GRIA3: variants seen among roughly 807,000 people sequenced by gnomAD.
The protein encoded by GRIA3 is glutamate ionotropic receptor AMPA type subunit 3.
Under a neutral mutation model 63.0 loss-of-function variants are expected in GRIA3, and 3 were observed. That is an observed-to-expected ratio of 0.05 (90% confidence interval 0.02 to 0.12). GRIA3 has a LOEUF of 0.12. Ranked by LOEUF, GRIA3 falls within the 10% of genes least tolerant of loss-of-function variation. The pLI is 1.00. For missense variants in GRIA3, 347 were observed against 700.9 expected (o/e 0.50, Z 5.70); for synonymous variants, 274 against 257.9 (o/e 1.06, Z -0.60).
chrX:123,237,303 T>G (rs2044306865), intron 2 of GRIA3, among the ~76,000 whole-genome samples: 1 of 111,719 alleles, frequency 9.0e-6, no homozygotes, highest in Non-Finnish European at 1.9e-5. Flanking sequence ...TAGAGAGCCA[T>G]GGGGTAGAAA....
In GRIA3 at chrX:123,482,822, G is replaced by C. The variant is rs750006432; in HGVS notation, c.2463G>C (p.Leu821=). The change falls in exon 15 of 16, where the codon CTG becomes CTC. Residue 821 remains leucine (L), a synonymous_variant. Coordinates refer to ENST00000620443, the MANE Select transcript of GRIA3 (RefSeq NM_007325.5). ...AGGACAAGACCAGCGCTCTGAGCCT[G>C]AGCAATGTGGCAGGCGTTTTCTATA... ...GSKDKTSALS[L]SNVAGVFYIL... 1 of 1,210,212 alleles carries C rather than the reference G, an allele frequency of 8.3e-7. No homozygotes were observed. The highest frequency in any genetic ancestry group is 1.1e-6 in the Non-Finnish European group (1 of 893,924).
rs73549560 is a variant in GRIA3, at chrX:123,219,062, C to G, written c.268+33072C>G. Reference sequence around the variant, plus strand: ...GCTGCTTGACACACCTCCAGTCACACAGTGGAAATGGCTGCCTACTTTACC... The same window carrying G: ...GCTGCTTGACACACCTCCAGTCACAGAGTGGAAATGGCTGCCTACTTTACC... On this transcript the variant is annotated intron_variant, in intron 2 of 15. Coordinates refer to ENST00000620443, the MANE Select transcript of GRIA3 (RefSeq NM_007325.5). Among the ~76,000 whole-genome samples the G allele has an allele frequency of 5.4e-3, 605 of 111,982 alleles. 3 individuals carry two copies. The highest frequency in any genetic ancestry group is 0.019 in the African/African-American group (579 of 30,791).
intron 2 of GRIA3, among the ~76,000 whole-genome samples, chrX:123,200,161 A>T (rs1431832136): frequency 9.0e-6 from 1 of 111,163 alleles, no homozygotes; most frequent in Non-Finnish European, 1.9e-5. Context: ...TTGTCTAATA[A>T]GAGAATCGTC....
chrX:123,389,937 A>T (rs1409186041), intron 5 of GRIA3, among the ~76,000 whole-genome samples: 1 of 111,140 alleles, frequency 9.0e-6, no homozygotes, highest in Non-Finnish European at 1.9e-5. Context: ...CGATCTCCTG[A>T]CCTCGTGATC....
chrX:123,325,202 T>G (rs970808059), intron 3 of GRIA3, among the ~76,000 whole-genome samples: 5 of 111,953 alleles, frequency 4.5e-5, no homozygotes, highest in East Asian at 2.8e-4. Context: ...AAGACCAGCA[T>G]GTAGAAAACT....
intron 3 of GRIA3, among the ~76,000 whole-genome samples, chrX:123,294,043 A>T (rs1290434404): frequency 1.7e-5 from 1 of 59,018 alleles, no homozygotes; most frequent in Non-Finnish European, 3.2e-5. Context: ...TGCAACAAAG[A>T]GTCCTTGCTA....
At chrX:123,406,968 C>T (rs1049913348) in intron 10 of GRIA3, among the ~76,000 whole-genome samples, 1 of 111,961 alleles carries the variant, frequency 8.9e-6, no homozygotes, top group African/African-American at 3.2e-5. Context: ...GTCTTGCTTA[C>T]AGCTCACCCT....
At chrX:123,477,074 C>T (rs2045890430) in intron 13 of GRIA3, among the ~76,000 whole-genome samples, 2 of 111,633 alleles carry the variant, frequency 1.8e-5, no homozygotes, top group Non-Finnish European at 3.8e-5. Flanking sequence ...GCTAAGTCAC[C>T]GATGTACTGA....
chrX:123,414,938 G>A (rs1194748715), intron 10 of GRIA3, among the ~76,000 whole-genome samples: 1 of 111,874 alleles, frequency 8.9e-6, no homozygotes, highest in Admixed American at 9.5e-5. Flanking sequence ...TACATACCCA[G>A]TAATGGGATC....
intron 13 of GRIA3, among the ~76,000 whole-genome samples, chrX:123,478,402 T>C (rs1424285767): frequency 8.9e-6 from 1 of 112,142 alleles, no homozygotes; most frequent in Non-Finnish European, 1.9e-5. Flanking sequence ...GTTTAAAGTA[T>C]AAAAGGATCT....
chrX:123,418,180 T>C (rs2045546258), intron 11 of GRIA3, among the ~76,000 whole-genome samples: 1 of 111,778 alleles, frequency 8.9e-6, no homozygotes, highest in South Asian at 3.8e-4. Context: ...TAAAAGAACA[T>C]AGAACTCTTC....
intron 7 of GRIA3, among the ~76,000 whole-genome samples, chrX:123,401,963 G>A (rs2045445635): frequency 9.0e-6 from 1 of 111,610 alleles, no homozygotes; most frequent in African/African-American, 3.3e-5. Context: ...CTGTAAAATA[G>A]GTAAAGAATC....
At position 123,283,421 on chromosome X, in the gene GRIA3, C is replaced by G. The variant is rs191166501; in HGVS notation, c.508+29879C>G. Among the ~76,000 whole-genome samples the G allele has an allele frequency of 2.7e-3, 295 of 111,243 alleles. 1 individual carries two copies. The highest frequency in any genetic ancestry group is 0.012 in the South Asian group (31 of 2,501). On this transcript the variant is annotated intron_variant, in intron 3 of 15. Coordinates refer to ENST00000620443, the MANE Select transcript of GRIA3 (RefSeq NM_007325.5). Reference sequence around the variant, plus strand: ...ACCATTCACTGCCCTGGAAAGGGGGCTGAAGCCAGAAATCCAAGAGGTCTA... The same window carrying G: ...ACCATTCACTGCCCTGGAAAGGGGGGTGAAGCCAGAAATCCAAGAGGTCTA...
chrX:123,368,506 A>G (rs1056384922), intron 5 of GRIA3, among the ~76,000 whole-genome samples: 1 of 111,329 alleles, frequency 9.0e-6, no homozygotes, highest in Non-Finnish European at 1.9e-5. Context: ...ATTCTCCGAC[A>G]TGGTGAACTG....
At chrX:123,464,477 T>C (rs766120458) in intron 12 of GRIA3, among the ~76,000 whole-genome samples, 5 of 111,978 alleles carry the variant, frequency 4.5e-5, no homozygotes, top group Non-Finnish European at 7.5e-5. Flanking sequence ...AGGCATATCC[T>C]GCTACGATTA....
Position 123,185,820 on chromosome X carries a change from C to G in GRIA3, c.110-12C>G, listed in dbSNP as rs200671864. The G allele has an allele frequency of 1.9e-4, 228 of 1,207,050 alleles. No homozygotes were observed. The South Asian group carries it at 2.2e-3, about 12-fold the overall frequency. On this transcript the variant is annotated splice_polypyrimidine_tract_variant and intron_variant, in intron 1 of 15. Transcript: ENST00000620443. ...GGAACACAAGCCAAATCTCCGTTCC[C>G]TTTGCTTATAGGTGGACTTTTCATG...
intron 2 of GRIA3, among the ~76,000 whole-genome samples, chrX:123,222,259 T>TGGA (rs2147266025): frequency 8.9e-6 from 1 of 112,105 alleles, no homozygotes; most frequent in South Asian, 3.7e-4. Flanking sequence ...AGCACAGTAC[T>TGGA]TAACACATAG....
intron 13 of GRIA3, among the ~76,000 whole-genome samples, chrX:123,479,316 C>T (rs2045901243): frequency 8.9e-6 from 1 of 112,329 alleles, no homozygotes; most frequent in Non-Finnish European, 1.9e-5. Flanking sequence ...ATCAGAAGGA[C>T]AGCCAATCAG....
At chrX:123,188,033 G>A in intron 2 of GRIA3, among the ~76,000 whole-genome samples, 1 of 112,035 alleles carries the variant, frequency 8.9e-6, no homozygotes, top group Admixed American at 9.4e-5. Flanking sequence ...TGAGAGTTCG[G>A]GAGAAGGAGT....
Sources: gnomAD v4.1 joint callset for allele counts (sites outside exome capture counted in the v4.1 genomes callset) on GRCh38, gnomAD v4.1.1 for gene constraint, MANE v1.5 for transcripts, NCBI Gene and HGNC (gene_info 2026-07-23, HGNC 2026-07-21) for gene names.